The following ESRRG variants were observed in gnomAD, a reference collection of about 807,000 sequenced individuals.
The protein encoded by ESRRG is estrogen-related receptor gamma.
Under a neutral mutation model 44.0 loss-of-function variants are expected in ESRRG, and 13 were observed. The observed-to-expected ratio is 0.30, with a 90% CI of 0.19 to 0.47. The LOEUF is 0.47. ESRRG is among the 20% of genes least tolerant of loss of function. ESRRG has a pLI of 1.00. For synonymous variants in ESRRG, 215 were observed against 214.6 expected (o/e 1.00, Z -0.02); for missense variants, 395 against 580.6 (o/e 0.68, Z 3.29).
chr1:216,710,368 G>A (rs1347966528), intron 1 of ESRRG, among the ~76,000 whole-genome samples: 2 of 152,160 alleles, frequency 1.3e-5, no homozygotes, highest in African/African-American at 4.8e-5. Context: ...CAGAAGACAA[G>A]AGAAACAACC....
intron 1 of ESRRG, chr1:216,707,543 G>A: frequency 6.8e-7 from 1 of 1,478,604 alleles, no homozygotes; most frequent in South Asian, 1.3e-5. Flanking sequence ...GAAGTTTTAT[G>A]TAAAACTACA....
chr1:216,852,668 A>T (rs900080202), intron 2 of ESRRG, among the ~76,000 whole-genome samples: 9 of 152,196 alleles, frequency 5.9e-5, no homozygotes, highest in African/African-American at 9.7e-5. Flanking sequence ...GATTTATAGG[A>T]TGCTCAATAA....
intron 1 of ESRRG, among the ~76,000 whole-genome samples, chr1:217,003,592 A>AGT (rs2077346714): frequency 1.4e-5 from 2 of 148,138 alleles, no homozygotes; most frequent in African/African-American, 5.0e-5. Flanking sequence ...TATTAATATT[A>AGT]ATTAATATTA....
intron 2 of ESRRG, among the ~76,000 whole-genome samples, chr1:216,930,390 T>C (rs1458820026): frequency 6.6e-6 from 1 of 152,178 alleles, no homozygotes; most frequent in Non-Finnish European, 1.5e-5. Flanking sequence ...GCTCACTTCC[T>C]TCTGAGGTTT....
chr1:216,753,015 G>A (rs2092168180), intron 2 of ESRRG, among the ~76,000 whole-genome samples: 1 of 151,992 alleles, frequency 6.6e-6, no homozygotes, highest in Non-Finnish European at 1.5e-5. Context: ...GGTAGATGCA[G>A]AACCACCAGT....
intron 2 of ESRRG, among the ~76,000 whole-genome samples, chr1:216,873,400 T>G (rs2149239044): frequency 6.6e-6 from 1 of 151,856 alleles, no homozygotes; most frequent in South Asian, 2.1e-4. Context: ...TTAGTAGAGA[T>G]GGGGTTTCGC....
intron 1 of ESRRG, among the ~76,000 whole-genome samples, chr1:217,053,071 G>A (rs750293952): frequency 6.7e-6 from 1 of 149,846 alleles, no homozygotes; most frequent in African/African-American, 2.5e-5. Flanking sequence ...AGGCTGAGGT[G>A]GAAGGATTGC....
chr1:216,518,604 C>A (rs1471943167), intron 6 of ESRRG, among the ~76,000 whole-genome samples: 1 of 152,168 alleles, frequency 6.6e-6, no homozygotes, highest in African/African-American at 2.4e-5. Flanking sequence ...GCTATTTTAG[C>A]ATGTTTCAGT....
intron 1 of ESRRG, among the ~76,000 whole-genome samples, chr1:216,966,351 G>T (rs74141711): frequency 3.9e-5 from 6 of 152,158 alleles, no homozygotes; most frequent in Non-Finnish European, 8.8e-5. Flanking sequence ...CTGTCTATAC[G>T]TATGAATTCT....
intron 2 of ESRRG, among the ~76,000 whole-genome samples, chr1:216,893,892 G>A (rs1422078314): frequency 6.6e-6 from 1 of 152,048 alleles, no homozygotes; most frequent in Non-Finnish European, 1.5e-5. Context: ...CCAAACTACA[G>A]GAATCAAAAC....
chr1:217,025,921 A>G (rs2150969189), intron 1 of ESRRG, among the ~76,000 whole-genome samples: 1 of 152,274 alleles, frequency 6.6e-6, no homozygotes, highest in East Asian at 1.9e-4. Context: ...TCTCTTTTAT[A>G]CATTATTACT....
At chr1:217,033,776 G>C (rs1330662022) in intron 1 of ESRRG, among the ~76,000 whole-genome samples, 2 of 152,242 alleles carry the variant, frequency 1.3e-5, no homozygotes, top group African/African-American at 2.4e-5. Context: ...TAGCTAAGTA[G>C]CTTGAGTGGG....
chr1:216,821,689 AAAATAAATAAATAAATAAATAAAT>A (rs199753545), intron 2 of ESRRG, among the ~76,000 whole-genome samples: 15 of 113,126 alleles, frequency 1.3e-4, no homozygotes, highest in African/African-American at 2.3e-4. Flanking sequence ...TGCCTCAGGA[AAAATAAATAAATAAATAAATAAAT>A]AAATAAATAA....
In ESRRG at chr1:216,926,531, G is replaced by A. The variant is rs369364125; in HGVS notation, c.-14+13051C>T. 2.9e-4 allele frequency among the ~76,000 whole-genome samples: 44 copies of A among 152,254 alleles called. 2 individuals carry two copies. Among genetic ancestry groups the A allele is most frequent in the African/African-American group, 2.6e-4 (11 of 41,536 alleles). On this transcript the variant is annotated intron_variant, in intron 2 of 7. Transcript: ENST00000359162. ...AATATTTATTTGGCAGAGGAGCGAA[G>A]GGGAAAAAGTTACATTTAATTTTAA... is the stretch of plus-strand genomic sequence containing the variant.
At chr1:217,126,477 C>A (rs1351913514) in intron 1 of ESRRG, among the ~76,000 whole-genome samples, 2 of 152,108 alleles carry the variant, frequency 1.3e-5, no homozygotes, top group African/African-American at 4.8e-5. Flanking sequence ...ATAAGCCTGG[C>A]AAATCCCATA....
intron 1 of ESRRG, among the ~76,000 whole-genome samples, chr1:216,992,948 T>C (rs1387105941): frequency 6.6e-6 from 1 of 152,166 alleles, no homozygotes; most frequent in African/African-American, 2.4e-5. Flanking sequence ...ATCTAAAATA[T>C]CACCTCCATT....
At chr1:217,018,449 T>G (rs1419290307) in intron 1 of ESRRG, among the ~76,000 whole-genome samples, 1 of 152,296 alleles carries the variant, frequency 6.6e-6, no homozygotes, top group East Asian at 1.9e-4. Context: ...CCTTCCATAA[T>G]TCTACTCAAC....
intron 2 of ESRRG, among the ~76,000 whole-genome samples, chr1:216,920,226 C>G (rs1206198198): frequency 6.6e-6 from 1 of 152,140 alleles, no homozygotes; most frequent in Non-Finnish European, 1.5e-5. Context: ...GTAAAGCCTT[C>G]TTTAAAAAGT....
At chr1:216,564,144 TCA>T in intron 5 of ESRRG, 73 bp downstream of exon 5, 1 of 883,684 alleles carries the variant, frequency 1.1e-6, no homozygotes, top group Non-Finnish European at 1.6e-6. Flanking sequence ...AAATTTGAAT[TCA>T]CCCAAATCTA....
Sources: allele counts gnomAD v4.1 joint callset (sites outside exome capture counted in the v4.1 genomes callset), GRCh38; gene constraint gnomAD v4.1.1; transcripts MANE v1.5; gene names NCBI Gene and HGNC (gene_info 2026-07-23, HGNC 2026-07-21).